PALM2AKAP2: variants seen among roughly 807,000 people sequenced by gnomAD.
The protein encoded by PALM2AKAP2 is PALM2 and AKAP2 fusion.
PALM2AKAP2 carries 37 observed loss-of-function variants against 71.5 expected under a neutral mutation model. The ratio of observed to expected loss-of-function variants is 0.52; its 90% CI spans 0.40 to 0.68. The LOEUF is 0.68. PALM2AKAP2 is among the 30% of genes least tolerant of loss of function. The pLI is 0.00. For synonymous variants in PALM2AKAP2, 468 were observed against 478.8 expected, an observed-to-expected ratio of 0.98 and a Z score of 0.29; for missense variants, 1,224 against 1,191.8, an observed-to-expected ratio of 1.03 and a Z score of -0.40.
chr9:109,736,808 T>C (rs746506652), intron 1 of PALM2AKAP2, among the ~76,000 whole-genome samples: 11 of 152,104 alleles, frequency 7.2e-5, no homozygotes, highest in East Asian at 1.9e-4. Flanking sequence ...ATTATTCTGG[T>C]CTGTATTTGA....
intron 1 of PALM2AKAP2, among the ~76,000 whole-genome samples, chr9:109,735,905 G>A (rs75045360): frequency 0.047 from 7,183 of 152,318 alleles, 265 homozygotes; most frequent in Non-Finnish European, 0.073. Flanking sequence ...TGGGAAGACA[G>A]GCCATCTCTC....
chr9:109,643,931 T>G (rs369229502), intron 1 of PALM2AKAP2, among the ~76,000 whole-genome samples: 1 of 151,994 alleles, frequency 6.6e-6, no homozygotes, highest in African/African-American at 2.4e-5. Context: ...AAGCTTTCAG[T>G]CATGGAGAAA....
At chr9:109,765,043 A>G (rs371200869) in intron 1 of PALM2AKAP2, among the ~76,000 whole-genome samples, 29 of 152,206 alleles carry the variant, frequency 1.9e-4, no homozygotes, top group East Asian at 1.5e-3. Flanking sequence ...CAAACTCATT[A>G]TAGCTCTGAT....
At chr9:109,878,884 C>T (rs1276686003) in intron 2 of PALM2AKAP2, among the ~76,000 whole-genome samples, 2 of 152,158 alleles carry the variant, frequency 1.3e-5, no homozygotes, top group African/African-American at 4.8e-5. Flanking sequence ...ATTACAGGCG[C>T]ATGCCATCAC....
intron 1 of PALM2AKAP2, among the ~76,000 whole-genome samples, chr9:109,701,655 A>G (rs1828061372): frequency 1.3e-5 from 2 of 152,254 alleles, no homozygotes; most frequent in African/African-American, 4.8e-5. Flanking sequence ...AAGAAAACCT[A>G]GGCAATACCA....
At chr9:109,778,475 T>C (rs1829379587), upstream of PALM2AKAP2, among the ~76,000 whole-genome samples, 2 of 152,186 alleles carry the variant, frequency 1.3e-5, no homozygotes, top group Admixed American at 1.3e-4. Context: ...AAGGATGCAT[T>C]TGAAGAAAAG....
chr9:109,995,807 G>A lies in PALM2AKAP2; in HGVS notation c.497-20147G>A, dbSNP rs79344210. ...TCAGGTGGGGAGTGATGTGAGCACA[G>A]CTACATTTCTGAAAAATAATGATGG... is the stretch of plus-strand genomic sequence containing the variant. On this transcript the variant is annotated intron_variant, in intron 6 of 9. Coordinates refer to the PALM2AKAP2 transcript ENST00000302798. Among the ~76,000 whole-genome samples, 112 of 152,300 alleles carry A rather than the reference G, an allele frequency of 7.4e-4. 2 individuals carry two copies. In the East Asian group the frequency reaches 0.018, roughly 24 times the overall value.
chr9:109,924,549 G>A (rs577726080), intron 4 of PALM2AKAP2, among the ~76,000 whole-genome samples: 1 of 152,284 alleles, frequency 6.6e-6, no homozygotes, highest in African/African-American at 2.4e-5. Context: ...GCAGTGAGCT[G>A]AGATTACGCC....
At chr9:110,154,641 CTTA>C (rs973898901) in intron 2 of PALM2AKAP2, among the ~76,000 whole-genome samples, 4 of 152,144 alleles carry the variant, frequency 2.6e-5, no homozygotes, top group African/African-American at 9.7e-5. Flanking sequence ...TTTTGAAATA[CTTA>C]TTATTGTACT....
chr9:109,656,621 T>C (rs73654283), intron 1 of PALM2AKAP2, among the ~76,000 whole-genome samples: 1,875 of 152,194 alleles, frequency 0.012, 51 homozygotes, highest in African/African-American at 0.043. Context: ...CAATCTGATA[T>C]GTAGTTTAAC....
intron 6 of PALM2AKAP2, among the ~76,000 whole-genome samples, chr9:109,938,103 C>G (rs1235694417): frequency 6.6e-6 from 1 of 152,106 alleles, no homozygotes; most frequent in African/African-American, 2.4e-5. Context: ...TCTTGTGCAT[C>G]AAAAATAAGA....
chr9:110,041,931 T>C (rs537265315), intron 7 of PALM2AKAP2, among the ~76,000 whole-genome samples: 4 of 152,282 alleles, frequency 2.6e-5, no homozygotes, highest in African/African-American at 9.6e-5. Flanking sequence ...CTACTCCCAA[T>C]GTAAGCCAAC....
intron 6 of PALM2AKAP2, among the ~76,000 whole-genome samples, chr9:109,941,145 CTTTTTTTT>C (rs34635858): frequency 1.1e-4 from 12 of 106,282 alleles, no homozygotes; most frequent in Admixed American, 4.1e-4. Flanking sequence ...TCTTCCTCTT[CTTTTTTTT>C]TTTTTTTTTT....
At chr9:110,061,464 G>A (rs1833964064) in intron 1 of PALM2AKAP2, among the ~76,000 whole-genome samples, 1 of 151,844 alleles carries the variant, frequency 6.6e-6, no homozygotes, top group Non-Finnish European at 1.5e-5. Context: ...CCTTCCATAA[G>A]CACAGATACT....
chr9:109,856,721 T>C (rs974582678), intron 1 of PALM2AKAP2, among the ~76,000 whole-genome samples: 6 of 152,362 alleles, frequency 3.9e-5, no homozygotes, highest in Non-Finnish European at 7.3e-5. Flanking sequence ...TCCTTCTTTA[T>C]ACTTTTCTAT....
In PALM2AKAP2 at chr9:110,072,542, A is replaced by G. The variant is rs531884341; in HGVS notation, c.156+23687A>G. Among the ~76,000 whole-genome samples, 28 of 152,356 alleles carry G rather than the reference A, an allele frequency of 1.8e-4. No individual in the cohort carries two copies. The South Asian group carries it at 5.8e-3, about 32-fold the overall frequency. ...CTCTAGCATCTCTGAGAATTGTGCT[A>G]AGGATTTGTTGCAAGGATGGCGGTA... On this transcript the variant is annotated intron_variant, in intron 1 of 3. Coordinates refer to ENST00000374525, the Ensembl canonical transcript of PALM2AKAP2.
chr9:109,757,197 G>T (rs986910491), intron 1 of PALM2AKAP2, among the ~76,000 whole-genome samples: 1 of 151,872 alleles, frequency 6.6e-6, no homozygotes, highest in Admixed American at 6.6e-5. Flanking sequence ...TAGCTCCCAC[G>T]TATGAGTGAG....
chr9:110,051,817 T>C (rs1833716320), intron 1 of PALM2AKAP2, among the ~76,000 whole-genome samples: 1 of 152,232 alleles, frequency 6.6e-6, no homozygotes, highest in African/African-American at 2.4e-5. Context: ...GATCAGGGAT[T>C]CTGTGTCAGC....
intron 1 of PALM2AKAP2, among the ~76,000 whole-genome samples, chr9:109,743,411 G>A (rs1828748709): frequency 6.6e-6 from 1 of 152,164 alleles, no homozygotes; most frequent in Non-Finnish European, 1.5e-5. Context: ...TTTAGAGTTA[G>A]GTTAGAAGCT....
Sources: gnomAD v4.1 joint callset for allele counts (sites outside exome capture counted in the v4.1 genomes callset) on GRCh38, gnomAD v4.1.1 for gene constraint, MANE v1.5 for transcripts, NCBI Gene and HGNC (gene_info 2026-07-23, HGNC 2026-07-21) for gene names.